The following DNAH11 variants were observed in gnomAD, a reference collection of about 807,000 sequenced individuals.
DNAH11 encodes the protein axonemal beta dynein heavy chain 11.
Under a neutral mutation model 526.0 loss-of-function variants are expected in DNAH11, and 442 were observed. The ratio of observed to expected loss-of-function variants is 0.84; its 90% CI spans 0.78 to 0.91. The LOEUF (loss-of-function observed/expected upper bound fraction) is 0.91, where lower values mean the gene tolerates loss of function less well. Among genes scored for constraint, DNAH11 ranks in the 40% least tolerant of loss-of-function variants. DNAH11 has a pLI of 0.00. For missense variants in DNAH11, 6,989 were observed against 5,448.7 expected (o/e 1.28, Z -8.90); for synonymous variants, 2,461 against 1,935.9 (o/e 1.27, Z -7.12).
intron 8 of DNAH11, among the ~76,000 whole-genome samples, chr7:21,579,435 G>GGA (rs1474732227): frequency 6.6e-6 from 1 of 152,192 alleles, no homozygotes; most frequent in Non-Finnish European, 1.5e-5. Flanking sequence ...GCCCGGTGCT[G>GGA]GAGTATGAAG....
At chr7:21,797,462 G>A (rs1023504706) in intron 61 of DNAH11, among the ~76,000 whole-genome samples, 5 of 151,052 alleles carry the variant, frequency 3.3e-5, no homozygotes, top group African/African-American at 7.4e-5. Context: ...CAGGTGATCC[G>A]CTCGCCTCGG....
At chr7:21,724,676 G>A (rs966713487) in intron 44 of DNAH11, among the ~76,000 whole-genome samples, 6 of 140,894 alleles carry the variant, frequency 4.3e-5, no homozygotes, top group Admixed American at 2.9e-4. Context: ...ATGAATATAG[G>A]AAACACTGGG....
chr7:21,793,461 C>T (rs1175314045), intron 61 of DNAH11, among the ~76,000 whole-genome samples: 1 of 151,714 alleles, frequency 6.6e-6, no homozygotes, highest in African/African-American at 2.4e-5. Flanking sequence ...ACTAAAAATA[C>T]AAAAATTAGC....
Position 21,901,081 on chromosome 7 carries a change from A to ATCTT in DNAH11, c.13380_13383dup (p.Ala4462LeufsTer22). 7 of 1,613,876 alleles carry ATCTT rather than the reference A, an allele frequency of 4.3e-6. No individual in the cohort carries two copies. Among genetic ancestry groups the ATCTT allele is most frequent in the Non-Finnish European group, 5.9e-6 (7 of 1,179,782 alleles). ...GGAGCTGGCATGCCCTATGCCGGTC[A>ATCTT]TCTTTGCAAAAGCCACCCCCGTGGA... On this transcript the variant is annotated frameshift_variant, in exon 82 of 82. Transcript: ENST00000409508. LOFTEE classifies it high-confidence loss of function.
Position 21,702,910 on chromosome 7 carries a change from CA to C in DNAH11, c.6273+109del, listed in dbSNP as rs574037762. 65 of 960,264 alleles carry C rather than the reference CA, an allele frequency of 6.8e-5. No individual in the cohort carries two copies. The African/African-American group carries it at 8.2e-4, about 12-fold the overall frequency. 59.5% of individuals were successfully genotyped at this position (960,264 alleles called of 1,614,324 possible). A position where few individuals can be genotyped will look rare whatever the true frequency, so the allele number is the denominator to read the frequency against. On this transcript the variant is annotated intron_variant, in intron 37 of 81. Coordinates refer to ENST00000409508, the MANE Select transcript of DNAH11 (RefSeq NM_001277115.2). ...CATGGACAGCACAACTTTTAAAAAG[CA>C]TAACATCTGTTGTTAATGCAGGAAA... is the stretch of plus-strand genomic sequence containing the variant.
chr7:21,574,386 T>C (rs1282613670), intron 8 of DNAH11, among the ~76,000 whole-genome samples: 1 of 152,130 alleles, frequency 6.6e-6, no homozygotes, highest in Non-Finnish European at 1.5e-5. Flanking sequence ...TTTCCCACAT[T>C]ATATACCTGC....
chr7:21,552,517 C>G (rs1783060436), intron 2 of DNAH11, among the ~76,000 whole-genome samples: 2 of 152,140 alleles, frequency 1.3e-5, no homozygotes, highest in Admixed American at 1.3e-4. Flanking sequence ...CTTGCAATCT[C>G]CATTCGTCTA....
intron 22 of DNAH11, 126 bp from the exon 23 acceptor site, chr7:21,617,493 A>C: frequency 8.9e-7 from 1 of 1,126,578 alleles, no homozygotes; most frequent in Non-Finnish European, 1.3e-6. Context: ...TCCTTGGTCT[A>C]GGAGTTCAAA....
rs772313627 is a variant in DNAH11, at chr7:21,608,040, CT to C, written c.3852+1322del. On this transcript the variant is annotated intron_variant, in intron 20 of 81. Transcript: ENST00000409508. ...AGGATTAACATTCTGGCTATCTAAACTTTTTTTTTTTTTTTAATCAGAAATT... is the reference window on the plus strand; with the variant it reads ...AGGATTAACATTCTGGCTATCTAAACTTTTTTTTTTTTTTAATCAGAAATT... 5.5e-3 allele frequency among the ~76,000 whole-genome samples: 710 copies of C among 129,534 alleles called. 1 individual carries two copies. Among genetic ancestry groups the C allele is most frequent in the Middle Eastern group, 0.025 (6 of 244 alleles). 85.0% of individuals were successfully genotyped at this position (129,534 alleles called of 152,430 possible).
At chr7:21,601,724 G>A in intron 18 of DNAH11, 106 bp downstream of exon 18, 2 of 761,906 alleles carry the variant, frequency 2.6e-6, no homozygotes, top group Non-Finnish European at 1.9e-6. Context: ...AATCTATACT[G>A]TACACATTTG....
chr7:21,687,672 T>A, intron 34 of DNAH11, 145 bp downstream of exon 34: 1 of 1,028,914 alleles, frequency 9.7e-7, no homozygotes, highest in Non-Finnish European at 1.4e-6. Flanking sequence ...GGAATTATTT[T>A]GAATAGTCTC....
intron 65 of DNAH11, among the ~76,000 whole-genome samples, chr7:21,841,790 A>G (rs987167118): frequency 6.6e-5 from 10 of 152,334 alleles, no homozygotes; most frequent in Admixed American, 6.5e-4. Flanking sequence ...AAATTAGACG[A>G]TAATCATACA....
chr7:21,889,080 C>G (rs1279690175), intron 76 of DNAH11, among the ~76,000 whole-genome samples: 1 of 151,834 alleles, frequency 6.6e-6, no homozygotes, highest in African/African-American at 2.4e-5. Flanking sequence ...CCCCTATACC[C>G]CAGCCCATGG....
chr7:21,635,296 A>G (rs550167460), intron 25 of DNAH11, among the ~76,000 whole-genome samples: 2 of 152,272 alleles, frequency 1.3e-5, no homozygotes, highest in South Asian at 2.1e-4. Context: ...AGCTGGGACT[A>G]CAGGCGCCCG....
chr7:21,843,259 A>T (rs1782283587), intron 66 of DNAH11, among the ~76,000 whole-genome samples: 1 of 152,230 alleles, frequency 6.6e-6, no homozygotes, highest in South Asian at 2.1e-4. Flanking sequence ...AAAGGCAATA[A>T]TAAAGATAAA....
intron 73 of DNAH11, among the ~76,000 whole-genome samples, chr7:21,872,524 G>A (rs1783543198): frequency 6.6e-6 from 1 of 152,126 alleles, no homozygotes; most frequent in Non-Finnish European, 1.5e-5. Flanking sequence ...CTTCTCCAAA[G>A]CCAGAGAACA....
intron 74 of DNAH11, 118 bp downstream of exon 74, chr7:21,873,619 G>T (rs932642099): frequency 2.1e-6 from 2 of 947,148 alleles, no homozygotes; most frequent in East Asian, 5.1e-5. Flanking sequence ...CTTAATGTTC[G>T]CATGTGGAAG....
At chr7:21,602,248 A>C (rs964311944) in intron 18 of DNAH11, among the ~76,000 whole-genome samples, 41 of 152,166 alleles carry the variant, frequency 2.7e-4, no homozygotes, top group African/African-American at 9.2e-4. Flanking sequence ...CTGAGGCAGA[A>C]GAATCGTTTG....
chr7:21,748,458 C>T (rs376131079), intron 51 of DNAH11, 122 bp from the exon 52 acceptor site: 69 of 1,142,432 alleles, frequency 6.0e-5, no homozygotes, highest in Non-Finnish European at 7.6e-5. Flanking sequence ...CACTGCACTC[C>T]GGCCTGGGCA....
Sources: gnomAD v4.1 joint callset for allele counts (sites outside exome capture counted in the v4.1 genomes callset) on GRCh38, gnomAD v4.1.1 for gene constraint, MANE v1.5 for transcripts, NCBI Gene and HGNC (gene_info 2026-07-23, HGNC 2026-07-21) for gene names.